MTHFD2L: variants seen among roughly 807,000 people sequenced by gnomAD.
The protein encoded by MTHFD2L is bifunctional methylenetetrahydrofolate dehydrogenase/cyclohydrolase 2, mitochondrial.
MTHFD2L carries 29 observed loss-of-function variants against 34.9 expected under a neutral mutation model. The observed-to-expected ratio is 0.83, with a 90% CI of 0.62 to 1.13. The LOEUF (loss-of-function observed/expected upper bound fraction) is 1.13. Ranked by LOEUF, MTHFD2L falls within the 50% of genes most tolerant of loss-of-function variation. The probability of loss-of-function intolerance (pLI) is 0.00; values close to 1 mark genes in which losing one functional copy is unlikely to be tolerated. For missense variants in MTHFD2L, 481 were observed against 446.5 expected (o/e 1.08, Z -0.70); for synonymous variants, 167 against 155.7 (o/e 1.07, Z -0.54).
At chr4:74,260,797 C>T (rs770465910) in intron 6 of MTHFD2L, among the ~76,000 whole-genome samples, 2 of 151,540 alleles carry the variant, frequency 1.3e-5, no homozygotes, top group Non-Finnish European at 2.9e-5. Context: ...AAATTTAAAC[C>T]ATAGTGTATG....
At chr4:74,232,686 T>C (rs1395341542) in intron 6 of MTHFD2L, among the ~76,000 whole-genome samples, 3 of 152,280 alleles carry the variant, frequency 2.0e-5, no homozygotes, top group Admixed American at 6.5e-5. Context: ...TGAAATAAGG[T>C]AAACAATTTG....
chr4:74,221,391 A>G (rs1288531500), intron 5 of MTHFD2L, among the ~76,000 whole-genome samples: 2 of 151,792 alleles, frequency 1.3e-5, no homozygotes, highest in Non-Finnish European at 3.0e-5. Flanking sequence ...AACAAATACA[A>G]TATATTTTGT....
chr4:74,283,538 C>A (rs1452002010), intron 7 of MTHFD2L, among the ~76,000 whole-genome samples: 2 of 152,096 alleles, frequency 1.3e-5, no homozygotes, highest in African/African-American at 4.8e-5. Context: ...GTTTTGCCAC[C>A]TCACTAGCTG....
At chr4:74,185,309 T>A (rs901576223) in intron 3 of MTHFD2L, among the ~76,000 whole-genome samples, 1 of 151,946 alleles carries the variant, frequency 6.6e-6, no homozygotes, top group Admixed American at 6.6e-5. Context: ...CATCAAAGTT[T>A]GTGGGATTCT....
intron 3 of MTHFD2L, among the ~76,000 whole-genome samples, chr4:74,178,110 A>G (rs1053053938): frequency 6.6e-6 from 1 of 152,000 alleles, no homozygotes. Context: ...GGGATTGTGG[A>G]GATGTTGGTT....
At chr4:74,189,485 C>CCTTTTTTTTTTTTTTT (rs1168720652) in intron 3 of MTHFD2L, among the ~76,000 whole-genome samples, 1 of 119,824 alleles carries the variant, frequency 8.3e-6, no homozygotes, top group African/African-American at 4.1e-5. Flanking sequence ...GTTTTTCTTC[C>CCTTTTTTTTTTTTTTT]TTTTTTTTTT....
chr4:74,268,164 G>T, intron 6 of MTHFD2L: 1 of 983,560 alleles, frequency 1.0e-6, no homozygotes, highest in Non-Finnish European at 1.2e-6. Context: ...GAGGATACCT[G>T]GGAGAAGACA....
intron 1 of MTHFD2L, among the ~76,000 whole-genome samples, chr4:74,172,784 T>A (rs1728279542): frequency 6.6e-6 from 1 of 152,164 alleles, no homozygotes; most frequent in Non-Finnish European, 1.5e-5. Flanking sequence ...AGAACATTGT[T>A]TACATCAAAA....
intron 6 of MTHFD2L, chr4:74,267,567 C>T (rs1373891617): frequency 3.7e-6 from 1 of 269,954 alleles, no homozygotes; most frequent in Non-Finnish European, 5.7e-6. Flanking sequence ...CACAGCCATG[C>T]ACCACCATGT....
intron 3 of MTHFD2L, among the ~76,000 whole-genome samples, chr4:74,176,121 ATGT>A (rs1728982085): frequency 2.0e-5 from 3 of 151,900 alleles, no homozygotes; most frequent in South Asian, 4.2e-4. Flanking sequence ...TTCATCTGAG[ATGT>A]TGTTGTCTTT....
chr4:74,181,294 A>G (rs1388248119), intron 3 of MTHFD2L, among the ~76,000 whole-genome samples: 1 of 152,218 alleles, frequency 6.6e-6, no homozygotes, highest in Non-Finnish European at 1.5e-5. Flanking sequence ...ACTTCATGAC[A>G]GCTGTTACAA....
At position 74,196,348 on chromosome 4, in the gene MTHFD2L, T is replaced by G. The variant is rs140511217; in HGVS notation, c.452-3446T>G. Among the ~76,000 whole-genome samples the G allele has an allele frequency of 5.3e-3, 812 of 152,210 alleles. 7 individuals are homozygous for G. Among genetic ancestry groups the G allele is most frequent in the African/African-American group, 0.019 (779 of 41,534 alleles). On this transcript the variant is annotated intron_variant, in intron 3 of 7. Transcript: ENST00000325278. ...GCAATAGCAATGCAGAAGTTAATGCTAAGGGCTTGGGGAAAGGACATGGTT... is the reference window on the plus strand; with the variant it reads ...GCAATAGCAATGCAGAAGTTAATGCGAAGGGCTTGGGGAAAGGACATGGTT...
At chr4:74,168,721 T>C (rs1727281477) in intron 1 of MTHFD2L, among the ~76,000 whole-genome samples, 1 of 152,154 alleles carries the variant, frequency 6.6e-6, no homozygotes, top group Non-Finnish European at 1.5e-5. Context: ...AGGGAGGTGC[T>C]GTAATTAAAT....
Position 74,187,800 on chromosome 4 carries a change from T to TACAC in MTHFD2L, c.452-11962_452-11959dup, listed in dbSNP as rs61173269. ...TCCAGCCATTCTGTGCCTGTGTATT[T>TACAC]ACACACACACACACACACACACACA... is the stretch of plus-strand genomic sequence containing the variant. On this transcript the variant is annotated intron_variant, in intron 3 of 7. Transcript: ENST00000325278. Among the ~76,000 whole-genome samples the TACAC allele has an allele frequency of 7.9e-3, 1,141 of 144,364 alleles. 19 individuals are homozygous for TACAC. The highest frequency in any genetic ancestry group is 0.028 in the African/African-American group (1,019 of 36,556). The allele number at this position is 144,364 out of a possible 152,430, so 94.7% of individuals were successfully genotyped here.
intron 5 of MTHFD2L, among the ~76,000 whole-genome samples, chr4:74,214,025 A>G (rs1736785072): frequency 6.6e-6 from 1 of 151,660 alleles, no homozygotes. Flanking sequence ...TGTATGGTTC[A>G]CAAAGTTCTC....
intron 6 of MTHFD2L, among the ~76,000 whole-genome samples, chr4:74,271,388 T>C (rs566161269): frequency 6.6e-6 from 1 of 152,238 alleles, no homozygotes; most frequent in African/African-American, 2.4e-5. Context: ...TTTCTACATA[T>C]GGCTAGCCAG....
intron 7 of MTHFD2L, among the ~76,000 whole-genome samples, chr4:74,300,123 G>T (rs1750111383): frequency 6.6e-6 from 1 of 151,986 alleles, no homozygotes; most frequent in African/African-American, 2.4e-5. Context: ...TGGAAATGTG[G>T]CAATGGAAAG....
intron 1 of MTHFD2L, among the ~76,000 whole-genome samples, chr4:74,174,152 C>G (rs1728564737): frequency 6.6e-6 from 1 of 152,104 alleles, no homozygotes; most frequent in Non-Finnish European, 1.5e-5. Flanking sequence ...TAAAAGGACA[C>G]TAATACCACT....
At chr4:74,205,739 A>C (rs1470306218) in intron 5 of MTHFD2L, among the ~76,000 whole-genome samples, 3 of 152,134 alleles carry the variant, frequency 2.0e-5, no homozygotes, top group Non-Finnish European at 4.4e-5. Context: ...AAGGCTTTGC[A>C]GAGGATATAG....
Sources: gnomAD v4.1 joint callset for allele counts (sites outside exome capture counted in the v4.1 genomes callset) on GRCh38, gnomAD v4.1.1 for gene constraint, MANE v1.5 for transcripts, NCBI Gene and HGNC (gene_info 2026-07-23, HGNC 2026-07-21) for gene names.